Variants in ZNF385D observed in about 807,000 individuals in gnomAD.
ZNF385D encodes the protein zinc finger protein 659.
ZNF385D carries 15 observed loss-of-function variants against 35.8 expected under a neutral mutation model. The observed-to-expected ratio is 0.42, with a 90% confidence interval of 0.28 to 0.64. The LOEUF (loss-of-function observed/expected upper bound fraction) is 0.64, where lower values mean the gene tolerates loss of function less well. ZNF385D is among the 30% of genes least tolerant of loss of function. The pLI, the probability that ZNF385D is intolerant of heterozygous loss-of-function variation, is 0.23. For synonymous variants in ZNF385D, 212 were observed against 186.8 expected, an observed-to-expected ratio of 1.13 and a Z score of -1.10; for missense variants, 474 against 494.6, an observed-to-expected ratio of 0.96 and a Z score of 0.39.
intron 3 of ZNF385D, among the ~76,000 whole-genome samples, chr3:21,939,772 G>A (rs17010339): frequency 0.03 from 4,579 of 152,222 alleles, 105 homozygotes; most frequent in East Asian, 0.094. Context: ...CACTAGATTC[G>A]ATAGGAGAAA....
At chr3:21,738,454 G>A (rs2069352838) in intron 1 of ZNF385D, among the ~76,000 whole-genome samples, 1 of 152,150 alleles carries the variant, frequency 6.6e-6, no homozygotes, top group Admixed American at 6.5e-5. Context: ...ACTTACAAAA[G>A]TGGCTGTCAG....
At chr3:22,179,030 CT>C (rs910134425) in intron 2 of ZNF385D, among the ~76,000 whole-genome samples, 2 of 152,088 alleles carry the variant, frequency 1.3e-5, no homozygotes, top group African/African-American at 4.8e-5. Flanking sequence ...ATGCCTCCAG[CT>C]TTGTTCTTTT....
intron 3 of ZNF385D, among the ~76,000 whole-genome samples, chr3:21,929,105 C>T (rs1239641330): frequency 6.6e-6 from 1 of 152,042 alleles, no homozygotes; most frequent in African/African-American, 2.4e-5. Flanking sequence ...AATCCAACAA[C>T]ATATAAATAG....
chr3:22,279,182 A>C (rs1045515258), intron 2 of ZNF385D, among the ~76,000 whole-genome samples: 9 of 152,098 alleles, frequency 5.9e-5, no homozygotes, highest in African/African-American at 2.2e-4. Context: ...TTAGTGGCCA[A>C]TTCTGAGATC....
At position 21,628,516 on chromosome 3, in the gene ZNF385D, A is replaced by G. The variant is rs898274196; in HGVS notation, c.165+36370T>C. On this transcript the variant is annotated intron_variant, in intron 2 of 7. Coordinates refer to ENST00000281523, the MANE Select transcript of ZNF385D (RefSeq NM_024697.3). ...TATGAAAAATCTAGATTTTAAAAAA[A>G]TCTATAAGGTAAGAAAAAAAAGGTA... Among the ~76,000 whole-genome samples, 3 of 151,862 alleles carry G rather than the reference A, an allele frequency of 2.0e-5. No individual in the cohort carries two copies. In the Admixed American group the frequency reaches 2.0e-4, roughly 10 times the overall value.
intron 2 of ZNF385D, among the ~76,000 whole-genome samples, chr3:22,260,284 A>T (rs1384323647): frequency 6.6e-6 from 1 of 152,024 alleles, no homozygotes; most frequent in Non-Finnish European, 1.5e-5. Flanking sequence ...TGGGAGTTGA[A>T]CAATGAGAAC....
chr3:21,768,206 T>C (rs886484015), intron 3 of ZNF385D, among the ~76,000 whole-genome samples: 1 of 152,084 alleles, frequency 6.6e-6, no homozygotes, highest in Non-Finnish European at 1.5e-5. Flanking sequence ...CAAAGGACTT[T>C]CTTAAAGATA....
intron 2 of ZNF385D, among the ~76,000 whole-genome samples, chr3:22,367,812 T>G (rs1031284495): frequency 6.6e-6 from 1 of 152,034 alleles, no homozygotes; most frequent in African/African-American, 2.4e-5. Flanking sequence ...TCAGAACATA[T>G]AAGATAACAA....
chr3:21,692,007 C>T (rs1446792592), intron 1 of ZNF385D, among the ~76,000 whole-genome samples: 1 of 152,156 alleles, frequency 6.6e-6, no homozygotes, highest in Non-Finnish European at 1.5e-5. Flanking sequence ...TACCTTACTC[C>T]ACTTAGCATA....
chr3:21,789,606 G>T (rs2071842165), intron 3 of ZNF385D, among the ~76,000 whole-genome samples: 1 of 152,020 alleles, frequency 6.6e-6, no homozygotes, highest in South Asian at 2.1e-4. Context: ...CTGCCTTACT[G>T]CAAATACCTC....
At chr3:22,006,403 A>T (rs1696205741) in intron 3 of ZNF385D, among the ~76,000 whole-genome samples, 1 of 152,158 alleles carries the variant, frequency 6.6e-6, no homozygotes, top group African/African-American at 2.4e-5. Context: ...TTCATGACAC[A>T]CTATTTCAAA....
intron 3 of ZNF385D, among the ~76,000 whole-genome samples, chr3:21,920,622 C>CAAAA (rs71044953): frequency 8.5e-5 from 11 of 129,984 alleles, no homozygotes; most frequent in African/African-American, 1.7e-4. Flanking sequence ...GATACAATGC[C>CAAAA]AAAAAAAAAA....
At chr3:22,174,019 CACACAA>C (rs1270238368) in intron 2 of ZNF385D, among the ~76,000 whole-genome samples, 2 of 42,422 alleles carry the variant, frequency 4.7e-5, no homozygotes, top group African/African-American at 9.0e-5. Flanking sequence ...AAGCCATTTA[CACACAA>C]ACACACACAC....
chr3:21,564,985 T>G (rs2063092376), intron 2 of ZNF385D, among the ~76,000 whole-genome samples: 1 of 152,182 alleles, frequency 6.6e-6, no homozygotes, highest in Non-Finnish European at 1.5e-5. Flanking sequence ...TAATTAAAGA[T>G]TTATCAAAAT....
At chr3:22,321,470 A>G (rs1188750603) in intron 2 of ZNF385D, among the ~76,000 whole-genome samples, 1 of 151,856 alleles carries the variant, frequency 6.6e-6, no homozygotes, top group Admixed American at 6.6e-5. Context: ...GGTTCAAGCG[A>G]TTCTCCTGTC....
intron 4 of ZNF385D, among the ~76,000 whole-genome samples, chr3:21,451,856 A>T (rs1702480096): frequency 6.6e-6 from 1 of 152,098 alleles, no homozygotes; most frequent in African/African-American, 2.4e-5. Flanking sequence ...ATAGCTATTA[A>T]TTGGCAAAGC....
chr3:22,111,576 T>C (rs561192204), intron 3 of ZNF385D, among the ~76,000 whole-genome samples: 63 of 152,228 alleles, frequency 4.1e-4, no homozygotes, highest in African/African-American at 1.4e-3. Context: ...TAATTTACCA[T>C]CTTGGCATTT....
chr3:22,311,025 T>C (rs573699193), intron 2 of ZNF385D, among the ~76,000 whole-genome samples: 1 of 151,988 alleles, frequency 6.6e-6, no homozygotes, highest in African/African-American at 2.4e-5. Flanking sequence ...AATCATATGA[T>C]ACTACGAAGG....
At chr3:21,502,051 G>A (rs1706410198) in intron 4 of ZNF385D, among the ~76,000 whole-genome samples, 3 of 152,244 alleles carry the variant, frequency 2.0e-5, no homozygotes, top group Non-Finnish European at 2.9e-5. Context: ...CCCAAAATAT[G>A]TTGCTTTGGT....
Sources: allele counts gnomAD v4.1 joint callset (sites outside exome capture counted in the v4.1 genomes callset), GRCh38; gene constraint gnomAD v4.1.1; transcripts MANE v1.5; gene names NCBI Gene and HGNC (gene_info 2026-07-23, HGNC 2026-07-21).